Variants in NEXMIF observed in about 807,000 individuals in gnomAD.
NEXMIF encodes the protein neurite extension and migration factor.
Under a neutral mutation model 62.1 loss-of-function variants are expected in NEXMIF, and 8 were observed. The ratio of observed to expected loss-of-function variants is 0.13; its 90% confidence interval spans 0.08 to 0.23. The LOEUF (loss-of-function observed/expected upper bound fraction) is 0.23. Among genes scored for constraint, NEXMIF ranks in the 10% least tolerant of loss-of-function variants. NEXMIF has a pLI of 1.00. For missense variants in NEXMIF, 976 were observed against 1,113.3 expected, an observed-to-expected ratio of 0.88 and a Z score of 1.75; for synonymous variants, 404 against 416.6, an observed-to-expected ratio of 0.97 and a Z score of 0.37.
chrX:74,864,567 A>C (rs1479018289), intron 1 of NEXMIF, among the ~76,000 whole-genome samples: 1 of 111,784 alleles, frequency 8.9e-6, no homozygotes, highest in Non-Finnish European at 1.9e-5. Context: ...GGTCCACTAC[A>C]CATGTGCTCT....
intron 1 of NEXMIF, among the ~76,000 whole-genome samples, chrX:74,867,312 G>A (rs763716759): frequency 1.1e-4 from 12 of 111,627 alleles, no homozygotes; most frequent in Middle Eastern, 4.7e-3. Flanking sequence ...AAAAGAGCCC[G>A]TATAGCCATG....
chrX:74,875,459 T>C (rs2080626947), intron 1 of NEXMIF, among the ~76,000 whole-genome samples: 2 of 111,979 alleles, frequency 1.8e-5, no homozygotes, highest in Admixed American at 1.9e-4. Context: ...AATTCTCTTT[T>C]TTGGTTGTGT....
chrX:74,750,754 G>A (rs772543974), intron 1 of NEXMIF, among the ~76,000 whole-genome samples: 19 of 111,346 alleles, frequency 1.7e-4, no homozygotes, highest in Admixed American at 3.8e-4. Context: ...CTAGAAATAC[G>A]GAGGTATGAT....
At chrX:74,801,821 C>T (rs2080330633) in intron 1 of NEXMIF, among the ~76,000 whole-genome samples, 1 of 112,146 alleles carries the variant, frequency 8.9e-6, no homozygotes, top group South Asian at 3.7e-4. Context: ...TGGGCCAGAG[C>T]AGAGCCCACT....
At chrX:74,901,928 A>G (rs767455176) in intron 1 of NEXMIF, among the ~76,000 whole-genome samples, 1 of 111,684 alleles carries the variant, frequency 9.0e-6, no homozygotes, top group Non-Finnish European at 1.9e-5. Flanking sequence ...AGTATCATTC[A>G]GGACATTTTT....
rs941687786 is a variant in NEXMIF at position 74,756,220 on chromosome X, C to T, written c.-47-10523G>A. Reference sequence around the variant, plus strand: ...TCGTGATCCGCCCGCCTCGGCCTCCCGTAGTGCTGGGATTACAGGCGTGAG... The same window carrying T: ...TCGTGATCCGCCCGCCTCGGCCTCCTGTAGTGCTGGGATTACAGGCGTGAG... On this transcript the variant is annotated intron_variant, in intron 1 of 3. Transcript: ENST00000055682. 6.2e-5 allele frequency among the ~76,000 whole-genome samples: 7 copies of T among 112,172 alleles called. No individual in the cohort carries two copies. The South Asian group carries it at 1.1e-3, about 18-fold the overall frequency.
At chrX:74,882,377 C>G (rs189748001) in intron 1 of NEXMIF, among the ~76,000 whole-genome samples, 99 of 112,103 alleles carry the variant, frequency 8.8e-4, no homozygotes, top group African/African-American at 2.8e-3. Flanking sequence ...TGCAAAGGGT[C>G]AGGGAATTCC....
At chrX:74,749,039 A>C (rs1166799252) in intron 1 of NEXMIF, among the ~76,000 whole-genome samples, 2 of 111,756 alleles carry the variant, frequency 1.8e-5, no homozygotes, top group Non-Finnish European at 3.8e-5. Context: ...CAGATAAATG[A>C]GGCTAGATCT....
In NEXMIF at chrX:74,906,900, T is replaced by C. The variant is rs142694444; in HGVS notation, c.-48+17983A>G. 3.0e-3 allele frequency among the ~76,000 whole-genome samples: 338 copies of C among 111,710 alleles called. 1 individual carries two copies. Among genetic ancestry groups the C allele is most frequent in the African/African-American group, 0.01 (309 of 30,738 alleles). On this transcript the variant is annotated intron_variant, in intron 1 of 3. Coordinates refer to ENST00000055682, the MANE Select transcript of NEXMIF (RefSeq NM_001008537.3). ...CTCTTTGCTGCATATTAATTGATCA[T>C]TGAATGTATTTGCTTTCATCAACTC...
chrX:74,743,987 T>C lies in NEXMIF; in HGVS notation c.570A>G (p.Gly190=). The change falls in exon 3 of 4, where the codon GGA becomes GGG. Residue 190 remains glycine, a synonymous_variant. Coordinates refer to ENST00000055682, the MANE Select transcript of NEXMIF (RefSeq NM_001008537.3). The part of the protein sequence containing the change: ...SDIGIQCINA[G]ENMKYGEQLL... ...GCTGCTCTCCATATTTCATATTTTC[T>C]CCAGCATTAATACACTGAATCCCTA... The C allele has an allele frequency of 8.3e-7, 1 of 1,211,242 alleles. No homozygotes were observed. Among genetic ancestry groups the C allele is most frequent in the South Asian group, 1.8e-5 (1 of 56,944 alleles).
At chrX:74,749,596 C>T (rs751127493) in intron 1 of NEXMIF, among the ~76,000 whole-genome samples, 2 of 110,559 alleles carry the variant, frequency 1.8e-5, no homozygotes, top group Admixed American at 9.7e-5. Flanking sequence ...GAATCTCTGT[C>T]CCCTTTTCCC....
intron 1 of NEXMIF, among the ~76,000 whole-genome samples, chrX:74,796,273 TACA>T (rs2080311328): frequency 9.7e-5 from 2 of 20,549 alleles, no homozygotes; most frequent in South Asian, 3.0e-3. Flanking sequence ...ATTATATATA[TACA>T]TATATATTAT....
At chrX:74,860,073 C>T (rs2080551516) in intron 1 of NEXMIF, among the ~76,000 whole-genome samples, 1 of 111,049 alleles carries the variant, frequency 9.0e-6, no homozygotes, top group Non-Finnish European at 1.9e-5. Context: ...GGACTAATCT[C>T]TCCAGTCAGA....
At chrX:74,858,299 T>A (rs931511563) in intron 1 of NEXMIF, among the ~76,000 whole-genome samples, 3 of 111,733 alleles carry the variant, frequency 2.7e-5, no homozygotes, top group Non-Finnish European at 1.9e-5. Context: ...CATCCCAAGC[T>A]CCAGGCAGCT....
At chrX:74,771,208 A>T (rs2080209208) in intron 1 of NEXMIF, among the ~76,000 whole-genome samples, 1 of 111,600 alleles carries the variant, frequency 9.0e-6, no homozygotes, top group African/African-American at 3.3e-5. Context: ...ACTTTGCCTT[A>T]GCCACCCAGT....
chrX:74,862,115 A>G (rs1460661162), intron 1 of NEXMIF, among the ~76,000 whole-genome samples: 5 of 111,706 alleles, frequency 4.5e-5, no homozygotes, highest in African/African-American at 1.6e-4. Flanking sequence ...GCAAAGACAC[A>G]CATAGGCTCA....
In NEXMIF at chrX:74,743,951, G is replaced by C; in HGVS notation, c.606C>G (p.Asp202Glu). ...NMKYGEQLLSDQLLGFPLHKS... is the reference protein window; with the variant it reads ...NMKYGEQLLSEQLLGFPLHKS... ...TATGCAGGGGGAAGCCTAGGAGCTGGTCTGAGAGCAGCTGCTCTCCATATT... is the reference window on the plus strand; with the variant it reads ...TATGCAGGGGGAAGCCTAGGAGCTGCTCTGAGAGCAGCTGCTCTCCATATT... The change falls in exon 3 of 4, where the codon GAC becomes GAG. Residue 202 changes from aspartate to glutamate, a missense_variant. By Grantham distance (45) the Asp-to-Glu change is conservative. Around this residue, in one of 5 missense-constraint regions of NEXMIF, gnomAD observed 45 missense variants for 86.8 expected, o/e 0.52. Coordinates refer to ENST00000055682, the MANE Select transcript of NEXMIF (RefSeq NM_001008537.3). The C allele has an allele frequency of 8.3e-7, 1 of 1,210,670 alleles. No individual in the cohort carries two copies. Among genetic ancestry groups the C allele is most frequent in the Non-Finnish European group, 1.1e-6 (1 of 894,741 alleles).
intron 1 of NEXMIF, among the ~76,000 whole-genome samples, chrX:74,879,635 G>A (rs1044798329): frequency 8.9e-6 from 1 of 112,132 alleles, no homozygotes; most frequent in Non-Finnish European, 1.9e-5. Context: ...TTTCAAGAAT[G>A]TACTGACATT....
chrX:74,920,379 A>G (rs1569369359), intron 1 of NEXMIF, among the ~76,000 whole-genome samples: 1 of 112,417 alleles, frequency 8.9e-6, no homozygotes, highest in Non-Finnish European at 1.9e-5. Flanking sequence ...ATGGCCAGTG[A>G]TGATGAGCAG....
Sources: allele counts gnomAD v4.1 joint callset (sites outside exome capture counted in the v4.1 genomes callset), GRCh38; gene constraint gnomAD v4.1.1; regional missense constraint gnomAD v4.1.1; transcripts MANE v1.5; gene names NCBI Gene and HGNC (gene_info 2026-07-23, HGNC 2026-07-21).